The following DLGAP2 variants were observed in gnomAD, a reference collection of about 807,000 sequenced individuals.
The protein encoded by DLGAP2 is disks large-associated protein 2.
Under a neutral mutation model 100.3 loss-of-function variants are expected in DLGAP2, and 26 were observed. The observed-to-expected ratio is 0.26, with a 90% CI of 0.19 to 0.36. DLGAP2 has a LOEUF of 0.36. Among genes scored for constraint, DLGAP2 ranks in the 10% least tolerant of loss-of-function variants. The pLI is 1.00. For missense variants in DLGAP2, 1,858 were observed against 1,453.2 expected (o/e 1.28, Z -4.53); for synonymous variants, 886 against 630.1 (o/e 1.41, Z -6.08).
intron 8 of DLGAP2, among the ~76,000 whole-genome samples, chr8:1,649,303 T>C (rs11136417): frequency 0.05 from 1,887 of 37,454 alleles, 43 homozygotes; most frequent in African/African-American, 0.2. Flanking sequence ...GCTACCAGAA[T>C]ACTCAATACC....
At chr8:1,107,717 A>G (rs1804823282) in intron 2 of DLGAP2, among the ~76,000 whole-genome samples, 1 of 152,216 alleles carries the variant, frequency 6.6e-6, no homozygotes, top group African/African-American at 2.4e-5. Context: ...TAAAGCACAC[A>G]TAGTATTTGC....
intron 4 of DLGAP2, among the ~76,000 whole-genome samples, chr8:1,530,235 G>A (rs1228548802): frequency 1.3e-5 from 2 of 152,102 alleles, no homozygotes. Context: ...ACCTGGGGGG[G>A]CTGTTTATAA....
intron 2 of DLGAP2, among the ~76,000 whole-genome samples, chr8:1,028,898 C>T (rs926962890): frequency 2.6e-5 from 4 of 152,176 alleles, no homozygotes; most frequent in African/African-American, 9.7e-5. Context: ...GAGGCCTCCA[C>T]TGTGAGCCTG....
chr8:946,404 C>A lies in DLGAP2; in HGVS notation c.73+38438C>A, dbSNP rs549459571. Among the ~76,000 whole-genome samples the A allele has an allele frequency of 1.7e-3, 259 of 152,060 alleles. 3 individuals carry two copies. Among genetic ancestry groups the A allele is most frequent in the African/African-American group, 6.1e-3 (255 of 41,482 alleles). On this transcript the variant is annotated intron_variant, in intron 2 of 14. Transcript: ENST00000637795. ...TCAGACTCCCGAGTGTCTGGGACTACAGGCGCCCGCCACCACGCCCGGCTA... is the reference window on the plus strand; with the variant it reads ...TCAGACTCCCGAGTGTCTGGGACTAAAGGCGCCCGCCACCACGCCCGGCTA...
chr8:1,234,099 C>T (rs188388335), intron 2 of DLGAP2, among the ~76,000 whole-genome samples: 11 of 152,328 alleles, frequency 7.2e-5, no homozygotes, highest in African/African-American at 2.2e-4. Context: ...AGTTCTTCAG[C>T]ATTGTAGCCT....
chr8:1,255,016 GTGTGTGTGTCTTCTCCTGCCC>G (rs1563043397), intron 2 of DLGAP2, among the ~76,000 whole-genome samples: 5 of 116,432 alleles, frequency 4.3e-5, no homozygotes, highest in African/African-American at 1.7e-4. Flanking sequence ...CTTGGGCGCT[GTGTGTGTGTCTTCTCCTGCCC>G]AGCCGCTGTG....
intron 3 of DLGAP2, among the ~76,000 whole-genome samples, chr8:1,490,143 G>C (rs1360471566): frequency 6.6e-6 from 1 of 152,140 alleles, no homozygotes; most frequent in Non-Finnish European, 1.5e-5. Flanking sequence ...ACCTGCCTCA[G>C]CCTCCCAAAG....
intron 8 of DLGAP2, among the ~76,000 whole-genome samples, chr8:1,635,330 T>C (rs999366721): frequency 2.6e-5 from 4 of 152,198 alleles, no homozygotes; most frequent in Admixed American, 6.5e-5. Context: ...GCCTCGATAA[T>C]TGTGATAGCT....
intron 1 of DLGAP2, among the ~76,000 whole-genome samples, chr8:754,727 G>T (rs892797002): frequency 6.6e-6 from 1 of 152,108 alleles, no homozygotes; most frequent in Non-Finnish European, 1.5e-5. Context: ...CCAGTAATCC[G>T]GTCACTCAGG....
intron 2 of DLGAP2, among the ~76,000 whole-genome samples, chr8:1,229,651 C>A (rs924626228): frequency 6.6e-6 from 1 of 152,178 alleles, no homozygotes; most frequent in Non-Finnish European, 1.5e-5. Flanking sequence ...ACCAACAGCA[C>A]ATCAACAAGT....
chr8:949,919 G>T (rs1270231291), intron 2 of DLGAP2, among the ~76,000 whole-genome samples: 1 of 152,214 alleles, frequency 6.6e-6, no homozygotes. Context: ...CTGCTAACAG[G>T]AAATGGGAGT....
chr8:1,635,297 A>G (rs1453633807), intron 8 of DLGAP2, among the ~76,000 whole-genome samples: 1 of 152,250 alleles, frequency 6.6e-6, no homozygotes, highest in African/African-American at 2.4e-5. Context: ...GAGGAAAACT[A>G]TCAACATGTA....
intron 1 of DLGAP2, among the ~76,000 whole-genome samples, chr8:894,894 C>T (rs890064873): frequency 1.7e-5 from 1 of 58,898 alleles, no homozygotes; most frequent in Non-Finnish European, 3.3e-5. Context: ...GCAGGGGTAG[C>T]GGCCGGCAGG....
At chr8:740,032 C>T (rs770873739) in intron 1 of DLGAP2, 1 of 152,346 alleles carries the variant, frequency 6.6e-6, no homozygotes, top group African/African-American at 2.4e-5. Flanking sequence ...ATTCCTGCCC[C>T]TTCACTGTCA....
rs771998203 is a variant in DLGAP2, at chr8:1,701,275, G to A, written c.3037G>A (p.Asp1013Asn). ...ITREKSLDLPDRQRQEARRRL... is the reference protein window; with the variant it reads ...ITREKSLDLPNRQRQEARRRL... Reference sequence around the variant, plus strand: ...AAGAGAAAAATCCCTGGACCTGCCCGACAGACAACGCCAGGAAGCCCGGAG... The same window carrying A: ...AAGAGAAAAATCCCTGGACCTGCCCAACAGACAACGCCAGGAAGCCCGGAG... Residue 1013 changes from aspartate to asparagine, a missense_variant, in exon 15 of 15, where the codon GAC becomes AAC. Physicochemically the swap from Asp to Asn is conservative, Grantham distance 23 (BLOSUM62 1). Coordinates refer to ENST00000637795, the MANE Select transcript of DLGAP2 (RefSeq NM_001346810.2). 3.8e-5 allele frequency: 60 copies of A among 1,583,584 alleles called. No individual in the cohort carries two copies. Among genetic ancestry groups the A allele is most frequent in the Non-Finnish European group, 4.9e-5 (57 of 1,165,740 alleles).
chr8:1,625,652 T>C (rs1032307720), intron 6 of DLGAP2, among the ~76,000 whole-genome samples: 21 of 152,250 alleles, frequency 1.4e-4, no homozygotes, highest in African/African-American at 5.1e-4. Flanking sequence ...ATAATTTTTA[T>C]GAGACTCTCA....
intron 7 of DLGAP2, among the ~76,000 whole-genome samples, chr8:1,627,454 C>A (rs1797534166): frequency 6.6e-6 from 1 of 152,160 alleles, no homozygotes. Context: ...AAAGGGAGGC[C>A]CCCCTGCTCC....
chr8:1,579,718 T>C (rs1024414479), intron 6 of DLGAP2, among the ~76,000 whole-genome samples: 5 of 152,188 alleles, frequency 3.3e-5, no homozygotes, highest in Non-Finnish European at 7.3e-5. Context: ...AAAAGTTTAT[T>C]CTAGAGAAAT....
intron 1 of DLGAP2, among the ~76,000 whole-genome samples, chr8:741,861 C>T (rs573998943): frequency 1.3e-5 from 2 of 152,296 alleles, no homozygotes; most frequent in East Asian, 3.9e-4. Context: ...GAGAGGAAAG[C>T]TTTAGGAAAA....
Sources: allele counts gnomAD v4.1 joint callset (sites outside exome capture counted in the v4.1 genomes callset), GRCh38; gene constraint gnomAD v4.1.1; transcripts MANE v1.5; gene names NCBI Gene and HGNC (gene_info 2026-07-23, HGNC 2026-07-21).